SEPSECS: variants seen among roughly 807,000 people sequenced by gnomAD.
SEPSECS encodes Sep (O-phosphoserine) tRNA:Sec (selenocysteine) tRNA synthase.
In SEPSECS, 42 loss-of-function variants were observed where a neutral mutation model predicts 52.1. The ratio of observed to expected loss-of-function variants is 0.81; its 90% CI spans 0.63 to 1.04. The LOEUF is 1.04. SEPSECS is among the 50% of genes least tolerant of loss of function. The pLI, the probability that SEPSECS is intolerant of heterozygous loss-of-function variation, is 0.00. For missense variants in SEPSECS, 590 were observed against 610.6 expected, an observed-to-expected ratio of 0.97 and a Z score of 0.36; for synonymous variants, 216 against 211.4, an observed-to-expected ratio of 1.02 and a Z score of -0.19.
At chr4:25,133,796 T>A (rs978832233) in intron 8 of SEPSECS, among the ~76,000 whole-genome samples, 2 of 151,736 alleles carry the variant, frequency 1.3e-5, no homozygotes, top group Non-Finnish European at 2.9e-5. Flanking sequence ...TATAAGAACA[T>A]AGAAATATAC....
In SEPSECS at chr4:25,152,043, T is replaced by C. The variant is rs76429098; in HGVS notation, c.721A>G (p.Ile241Val). 6.4e-7 allele frequency: 1 copy of C among 1,573,488 alleles called. No individual in the cohort carries two copies. The highest frequency in any genetic ancestry group is 1.7e-5 in the Admixed American group (1 of 59,944). Reference sequence around the variant, plus strand: ...TGTGGAATGTCATAATTAGCACAAATCACAGCCAGTTCTTCTAATCTATAA... The same window carrying C: ...TGTGGAATGTCATAATTAGCACAAACCACAGCCAGTTCTTCTAATCTATAA... ...VPDRLEELAV[I>V]CANYDIPHIV... The change falls in exon 6 of 11, where the codon ATT becomes GTT. Residue 241 changes from isoleucine (I) to valine (V), a missense_variant. Transcript: ENST00000382103.
intron 6 of SEPSECS, among the ~76,000 whole-genome samples, chr4:25,145,510 T>C (rs1285184688): frequency 6.6e-6 from 1 of 152,248 alleles, no homozygotes; most frequent in Non-Finnish European, 1.5e-5. Flanking sequence ...ATAAATCATT[T>C]AATCTTCATA....
At chr4:25,139,020 C>T (rs1042363392) in intron 8 of SEPSECS, among the ~76,000 whole-genome samples, 5 of 152,186 alleles carry the variant, frequency 3.3e-5, no homozygotes, top group African/African-American at 7.2e-5. Flanking sequence ...GACCACACCA[C>T]GAATGTCAAT....
At chr4:25,155,505 C>G (rs1712571908) in intron 4 of SEPSECS, among the ~76,000 whole-genome samples, 1 of 152,208 alleles carries the variant, frequency 6.6e-6, no homozygotes. Flanking sequence ...TTTCAATCCA[C>G]AGAAAAATAA....
Position 25,156,972 on chromosome 4 carries a change from AAC to A in SEPSECS, c.270_271del (p.Arg90SerfsTer10). On this transcript the variant is annotated frameshift_variant and splice_region_variant, in exon 3 of 11. Coordinates refer to ENST00000382103, the MANE Select transcript of SEPSECS (RefSeq NM_016955.4). LOFTEE classifies it high-confidence loss of function. ...ACCGGATCGTCCAATGCCATGAATGAACCTAAGCAAAAAATGGGCCAAAAACT... is the reference window on the plus strand; with the variant it reads ...ACCGGATCGTCCAATGCCATGAATGACTAAGCAAAAAATGGGCCAAAAACT... 1 of 1,580,894 alleles carries A rather than the reference AAC, an allele frequency of 6.3e-7. No individual in the cohort carries two copies.
chr4:25,146,643 C>G lies in SEPSECS; in HGVS notation c.805-1510G>C, dbSNP rs184376175. ...TCAATGCACCAGACTTTGCTAGAACCCTTCCATCACTAAAACACAGAAAGC... is the reference window on the plus strand; with the variant it reads ...TCAATGCACCAGACTTTGCTAGAACGCTTCCATCACTAAAACACAGAAAGC... On this transcript the variant is annotated intron_variant, in intron 6 of 10. Coordinates refer to ENST00000382103, the MANE Select transcript of SEPSECS (RefSeq NM_016955.4). Among the ~76,000 whole-genome samples the G allele has an allele frequency of 8.4e-4, 128 of 152,268 alleles. 1 individual carries two copies. In the Middle Eastern group the frequency reaches 0.02, roughly 24 times the overall value.
Position 25,120,369 on chromosome 4 carries a change from A to G in SEPSECS, c.*3562T>C, listed in dbSNP as rs1271983761. ...ACATGCGCACATACCAAAAGGGCAA[A>G]AGGAAAGTAAAAAGTAAGGCACAAA... On this transcript the variant is annotated 3_prime_UTR_variant, in exon 11 of 11. Coordinates refer to ENST00000382103, the MANE Select transcript of SEPSECS (RefSeq NM_016955.4). The G allele has an allele frequency of 1.3e-5, 2 of 152,214 alleles. No individual in the cohort carries two copies. Among genetic ancestry groups the G allele is most frequent in the Non-Finnish European group, 2.9e-5 (2 of 68,006 alleles). 9.4% of individuals were successfully genotyped at this position (152,214 alleles called of 1,614,324 possible).
At chr4:25,136,179 A>G (rs956157614) in intron 8 of SEPSECS, among the ~76,000 whole-genome samples, 11 of 152,190 alleles carry the variant, frequency 7.2e-5, no homozygotes, top group Non-Finnish European at 1.0e-4. Flanking sequence ...CTCTTATTCA[A>G]CATACCATTG....
intron 8 of SEPSECS, among the ~76,000 whole-genome samples, chr4:25,135,661 A>G (rs377071671): frequency 3.9e-5 from 6 of 152,168 alleles, no homozygotes; most frequent in African/African-American, 1.4e-4. Flanking sequence ...AAACTATTCC[A>G]AACAATTGAA....
intron 8 of SEPSECS, among the ~76,000 whole-genome samples, chr4:25,141,297 T>A (rs979659572): frequency 6.6e-6 from 1 of 152,332 alleles, no homozygotes; most frequent in African/African-American, 2.4e-5. Context: ...CTGTTTACAC[T>A]CACTGTCTTG....
chr4:25,158,888 C>T, intron 2 of SEPSECS, 65 bp downstream of exon 2: 1 of 1,417,296 alleles, frequency 7.1e-7, no homozygotes, highest in Non-Finnish European at 1.0e-6. Context: ...ATAAATACTG[C>T]TGCCATTATT....
At position 25,125,804 on chromosome 4, in the gene SEPSECS, C is replaced by A. The variant is rs775304262; in HGVS notation, c.1121-20G>T. On this transcript the variant is annotated intron_variant, in intron 9 of 10. Coordinates refer to ENST00000382103, the MANE Select transcript of SEPSECS (RefSeq NM_016955.4). ...TCATAGCTGAAAAAGAAAAAAGTAT[C>A]CTAATAAGCCTTGGTTTACTGGCAT... is the stretch of plus-strand genomic sequence containing the variant. 2 of 1,498,976 alleles carry A rather than the reference C, an allele frequency of 1.3e-6. No homozygotes were observed. The highest frequency in any genetic ancestry group is 2.3e-5 in the East Asian group (1 of 44,174). 92.9% of individuals were successfully genotyped at this position (1,498,976 alleles called of 1,614,324 possible).
chr4:25,160,577 GT>G, upstream of SEPSECS: 1 of 510,580 alleles, frequency 2.0e-6, no homozygotes, highest in South Asian at 2.9e-5. Context: ...GGAAGTTGGC[GT>G]ATTTGAGCAT....
At chr4:25,151,268 C>G (rs1425050798) in intron 6 of SEPSECS, among the ~76,000 whole-genome samples, 4 of 152,078 alleles carry the variant, frequency 2.6e-5, no homozygotes, top group Admixed American at 2.0e-4. Context: ...AGCAATCCAG[C>G]AAGTGGGATG....
chr4:25,156,793 T>C (rs928631977), intron 3 of SEPSECS, 63 bp downstream of exon 3: 6 of 766,430 alleles, frequency 7.8e-6, no homozygotes, highest in Admixed American at 1.8e-5. Context: ...ATAAATGAAA[T>C]GAGTCAGTGG....
chr4:25,159,126 C>A lies in SEPSECS; in HGVS notation c.115-19G>T. On this transcript the variant is annotated intron_variant, in intron 1 of 10. Transcript: ENST00000382103. The stretch of plus-strand genomic sequence containing the variant: ...ACTTGCCCTTAAAAAAAAAAAAAAA[C>A]TTATGATTATATTTAATAAAACTAC... 1.7e-6 allele frequency: 2 copies of A among 1,167,656 alleles called. No homozygotes were observed. The highest frequency in any genetic ancestry group is 1.6e-5 in the African/African-American group (1 of 60,830). The allele number at this position is 1,167,656 out of a possible 1,614,324, so 72.3% of individuals were successfully genotyped here.
chr4:25,139,996 T>C (rs73094668), intron 8 of SEPSECS, among the ~76,000 whole-genome samples: 3 of 152,352 alleles, frequency 2.0e-5, no homozygotes, highest in African/African-American at 4.8e-5. Flanking sequence ...TTTCTTCTTA[T>C]AGTCCCTAGT....
chr4:25,150,062 T>G (rs548607838), intron 6 of SEPSECS, among the ~76,000 whole-genome samples: 167 of 152,278 alleles, frequency 1.1e-3, no homozygotes, highest in Middle Eastern at 3.4e-3. Context: ...CAAAGTTGAG[T>G]AAAGAAGTTA....
At chr4:25,148,352 C>CAAAA (rs34262935) in intron 6 of SEPSECS, among the ~76,000 whole-genome samples, 20 of 75,568 alleles carry the variant, frequency 2.6e-4, no homozygotes, top group Admixed American at 3.9e-4. Context: ...GACTCCGTCT[C>CAAAA]AAAAAAAAAA....
Sources: allele counts gnomAD v4.1 joint callset (sites outside exome capture counted in the v4.1 genomes callset), GRCh38; gene constraint gnomAD v4.1.1; transcripts MANE v1.5; gene names NCBI Gene and HGNC (gene_info 2026-07-23, HGNC 2026-07-21).